The following SNAPC3 variants were observed in gnomAD, a reference collection of about 807,000 sequenced individuals.
The protein encoded by SNAPC3 is snRNA-activating protein complex subunit 3.
In SNAPC3, 56 loss-of-function variants were observed where a neutral mutation model predicts 47.7. The observed-to-expected ratio is 1.18, with a 90% confidence interval of 0.95 to 1.47. The LOEUF is 1.47. Ranked by LOEUF, SNAPC3 falls within the 40% of genes most tolerant of loss-of-function variation. The probability of loss-of-function intolerance (pLI) is 0.00; values close to 1 mark genes in which losing one functional copy is unlikely to be tolerated. For synonymous variants in SNAPC3, 235 were observed against 189.9 expected (o/e 1.24, Z -1.95); for missense variants, 665 against 511.3 (o/e 1.30, Z -2.90).
intron 7 of SNAPC3, 57 bp downstream of exon 7, chr9:15,453,262 C>G: frequency 3.7e-6 from 5 of 1,344,242 alleles, no homozygotes; most frequent in Non-Finnish European, 5.1e-6. Flanking sequence ...TTTCAGAGTA[C>G]AAAACCAGAG....
At chr9:15,455,973 C>T (rs1413587854) in intron 7 of SNAPC3, among the ~76,000 whole-genome samples, 1 of 151,578 alleles carries the variant, frequency 6.6e-6, no homozygotes, top group African/African-American at 2.4e-5. Flanking sequence ...CTCCCAGGTT[C>T]AGGCAATTCT....
chr9:15,459,969 A>G lies in SNAPC3; in HGVS notation c.*103A>G. The G allele has an allele frequency of 9.9e-7, 1 of 1,008,130 alleles. No individual in the cohort carries two copies. The highest frequency in any genetic ancestry group is 1.4e-6 in the Non-Finnish European group (1 of 690,838). 62.4% of individuals were successfully genotyped at this position (1,008,130 alleles called of 1,614,324 possible). ...CACTGAGGAACAGGATCCACTTTGA[A>G]CAGTCCGCTAAAGCTATCAAAAAAA... On this transcript the variant is annotated 3_prime_UTR_variant, in exon 9 of 9. Coordinates refer to ENST00000380821, the MANE Select transcript of SNAPC3 (RefSeq NM_001039697.2).
downstream of SNAPC3, chr9:15,465,602 A>G (rs773768174): frequency 6.5e-7 from 1 of 1,532,398 alleles, no homozygotes; most frequent in Non-Finnish European, 8.9e-7. Context: ...GGGGAAAGGT[A>G]CAACTGGAAT....
intron 7 of SNAPC3, among the ~76,000 whole-genome samples, chr9:15,454,728 G>C (rs1290124040): frequency 6.6e-6 from 1 of 152,086 alleles, no homozygotes; most frequent in Non-Finnish European, 1.5e-5. Flanking sequence ...ACGAGGTCAG[G>C]AGATCGAGAC....
rs918005137 is a variant in SNAPC3 at position 15,460,730 on chromosome 9, G to C, written c.*864G>C. The C allele has an allele frequency of 6.6e-6, 1 of 152,200 alleles. No individual in the cohort carries two copies. The highest frequency in any genetic ancestry group is 2.4e-5 in the African/African-American group (1 of 41,452). The allele number at this position is 152,200 out of a possible 1,614,324, so 9.4% of individuals were successfully genotyped here. On this transcript the variant is annotated 3_prime_UTR_variant, in exon 9 of 9. Transcript: ENST00000380821. ...TAATCTTAGTGTGCTGTTTAGTAAT[G>C]TTAGGTTTTGTTTTGGAGGAAACTA... is the stretch of plus-strand genomic sequence containing the variant.
At chr9:15,458,176 T>C (rs1479213114) in intron 8 of SNAPC3, 109 bp downstream of exon 8, 3 of 594,154 alleles carry the variant, frequency 5.0e-6, no homozygotes, top group African/African-American at 1.9e-5. Flanking sequence ...GTTATAAATA[T>C]GAAGTATCAT....
At chr9:15,464,076 A>G (rs993938363), downstream of SNAPC3, 1 of 177,892 alleles carries the variant, frequency 5.6e-6, no homozygotes, top group Non-Finnish European at 1.2e-5. Context: ...TTTGATAGAA[A>G]AATTCTTTAA....
chr9:15,454,871 A>T (rs6474922), intron 7 of SNAPC3, among the ~76,000 whole-genome samples: 141,387 of 152,242 alleles, frequency 0.93, 65,774 homozygotes, highest in African/African-American at 0.96. Flanking sequence ...GAGGTGGAGC[A>T]TGCAGTGAGC....
At chr9:15,432,869 G>C (rs538669428) in intron 2 of SNAPC3, among the ~76,000 whole-genome samples, 1 of 152,190 alleles carries the variant, frequency 6.6e-6, no homozygotes, top group African/African-American at 2.4e-5. Flanking sequence ...CATGGGTGAA[G>C]TTTGAGGAGA....
intron 3 of SNAPC3, among the ~76,000 whole-genome samples, chr9:15,442,204 G>A (rs1207919477): frequency 7.0e-6 from 1 of 142,426 alleles, no homozygotes; most frequent in African/African-American, 2.6e-5. Flanking sequence ...GGCGGGGGCT[G>A]CCCCCCACCT....
At chr9:15,429,847 G>A (rs2031909641) in intron 2 of SNAPC3, among the ~76,000 whole-genome samples, 1 of 152,042 alleles carries the variant, frequency 6.6e-6, no homozygotes, top group South Asian at 2.1e-4. Flanking sequence ...GATGACAAGA[G>A]ACACATCTAA....
rs2035113164 is a variant in SNAPC3, at chr9:15,460,351, A to G, written c.*485A>G. 6.6e-6 allele frequency: 1 copy of G among 152,286 alleles called. No homozygotes were observed. 9.4% of individuals were successfully genotyped at this position (152,286 alleles called of 1,614,324 possible). ...CAAATAACTGTAATGGAAACTAGGG[A>G]GAATGAATTATTTACAAATAAGACA... On this transcript the variant is annotated 3_prime_UTR_variant, in exon 9 of 9. Coordinates refer to ENST00000380821, the MANE Select transcript of SNAPC3 (RefSeq NM_001039697.2).
At chr9:15,442,952 C>T (rs1044136780) in intron 3 of SNAPC3, among the ~76,000 whole-genome samples, 7 of 152,240 alleles carry the variant, frequency 4.6e-5, no homozygotes, top group African/African-American at 1.4e-4. Flanking sequence ...GCAGATCACT[C>T]GCAGTTAGGA....
Position 15,452,023 on chromosome 9 carries a change from G to A in SNAPC3, c.815+621G>A, listed in dbSNP as rs558027018. ...CTGTCACCCAGTCTGGAGTATGGTGGCACGATCTCAGCTCACTGCAGCCTC... is the reference window on the plus strand; with the variant it reads ...CTGTCACCCAGTCTGGAGTATGGTGACACGATCTCAGCTCACTGCAGCCTC... On this transcript the variant is annotated intron_variant, in intron 6 of 8. Transcript: ENST00000380821. Among the ~76,000 whole-genome samples the A allele has an allele frequency of 3.9e-5, 6 of 152,178 alleles. No individual in the cohort carries two copies. In the South Asian group the frequency reaches 1.0e-3, roughly 26 times the overall value.
At position 15,423,015 on chromosome 9, in the gene SNAPC3, G is replaced by T. The variant is rs905257456; in HGVS notation, c.136G>T (p.Ala46Ser). The change falls in exon 1 of 9, where the codon GCC becomes TCC. Residue 46 changes from alanine to serine, a missense_variant. Physicochemically the swap from Ala to Ser is moderately conservative, Grantham distance 99 (BLOSUM62 1). Coordinates refer to ENST00000380821, the MANE Select transcript of SNAPC3 (RefSeq NM_001039697.2). ...ELNTRAFHVG[A>S]FGELWRGRLR... The stretch of plus-strand genomic sequence containing the variant: ...AAATACGCGCGCTTTCCATGTGGGC[G>T]CCTTTGGGGAGCTGTGGCGGGGCCG... 3.9e-6 allele frequency: 6 copies of T among 1,538,672 alleles called. No individual in the cohort carries two copies. Among genetic ancestry groups the T allele is most frequent in the Admixed American group, 4.5e-5 (2 of 44,082 alleles).
At chr9:15,453,235 A>G (rs2034528841) in intron 7 of SNAPC3, 30 bp downstream of exon 7, 1 of 1,531,386 alleles carries the variant, frequency 6.5e-7, no homozygotes, top group Non-Finnish European at 8.8e-7. Flanking sequence ...ACATTTTGTT[A>G]CCTTTTTTTT....
At chr9:15,447,017 T>C (rs2033982643) in intron 4 of SNAPC3, 78 bp from the exon 5 acceptor site, 1 of 1,219,254 alleles carries the variant, frequency 8.2e-7, no homozygotes, top group Non-Finnish European at 1.2e-6. Flanking sequence ...GCAATTTAAT[T>C]TTGATCTAGT....
intron 3 of SNAPC3, among the ~76,000 whole-genome samples, chr9:15,434,342 C>G (rs2032532190): frequency 1.3e-5 from 2 of 151,984 alleles, no homozygotes; most frequent in South Asian, 4.1e-4. Flanking sequence ...TACCTTCTTT[C>G]TCTATGAATT....
chr9:15,442,107 G>T (rs2033462488), intron 3 of SNAPC3, among the ~76,000 whole-genome samples: 2 of 151,248 alleles, frequency 1.3e-5, no homozygotes, highest in African/African-American at 4.9e-5. Flanking sequence ...GGCCAGGCGG[G>T]GGCTGCCCCC....
Sources: allele counts gnomAD v4.1 joint callset (sites outside exome capture counted in the v4.1 genomes callset), GRCh38; gene constraint gnomAD v4.1.1; transcripts MANE v1.5; gene names NCBI Gene and HGNC (gene_info 2026-07-23, HGNC 2026-07-21).